TICRR: variants seen among roughly 807,000 people sequenced by gnomAD.
TICRR encodes the protein TOPBP1 interacting checkpoint and replication regulator.
A neutral mutation model predicts 178.1 loss-of-function variants in TICRR; 132 were observed. The observed-to-expected ratio is 0.74, with a 90% confidence interval of 0.64 to 0.86. The LOEUF (loss-of-function observed/expected upper bound fraction) is 0.86. TICRR is among the 40% of genes least tolerant of loss of function. TICRR has a pLI of 0.00. For synonymous variants in TICRR, 991 were observed against 900.7 expected (o/e 1.10, Z -1.79); for missense variants, 2,587 against 2,334.3 (o/e 1.11, Z -2.23).
chr15:89,585,865 C>T lies in TICRR; in HGVS notation c.1334C>T (p.Thr445Ile). Residue 445 changes from threonine (T) to isoleucine (I), a missense_variant, in exon 4 of 22, where the codon ACA (threonine) becomes ATA (isoleucine). By Grantham distance (89) the Thr-to-Ile change is moderately conservative (BLOSUM62 -1). Transcript: ENST00000268138. ...QTAVADSPRD[T>I]ASLFSDVVDS... is the part of the protein sequence containing the mutation. The stretch of plus-strand genomic sequence containing the variant: ...GCTGTGGCTGACAGCCCCCGGGACA[C>T]AGCTTCCCTTTTCTCAGATGTTGTG... 3 of 1,614,176 alleles carry T rather than the reference C, an allele frequency of 1.9e-6. No individual in the cohort carries two copies. The highest frequency in any genetic ancestry group is 4.5e-5 in the East Asian group (2 of 44,876).
chr15:89,585,653 C>A, intron 3 of TICRR, 55 bp from the exon 4 acceptor site: 2 of 1,218,956 alleles, frequency 1.6e-6, no homozygotes, highest in Non-Finnish European at 2.4e-6. Flanking sequence ...ACACTACATT[C>A]TTCTTTAGGC....
At chr15:89,581,553 G>A (rs1009723507) in intron 1 of TICRR, among the ~76,000 whole-genome samples, 10 of 152,180 alleles carry the variant, frequency 6.6e-5, no homozygotes, top group Non-Finnish European at 1.3e-4. Flanking sequence ...AGAAGGGGAG[G>A]CCCAGGAAAT....
At chr15:89,615,988 G>A (rs1460070927) in intron 15 of TICRR, among the ~76,000 whole-genome samples, 1 of 151,746 alleles carries the variant, frequency 6.6e-6, no homozygotes, top group African/African-American at 2.4e-5. Context: ...GGGTTCAAGT[G>A]ATTCTCCTGC....
At chr15:89,614,631 T>A (rs1273302451) in intron 15 of TICRR, among the ~76,000 whole-genome samples, 2 of 152,190 alleles carry the variant, frequency 1.3e-5, no homozygotes, top group Non-Finnish European at 2.9e-5. Flanking sequence ...GCACCCAGCA[T>A]GGATATTTTA....
intron 7 of TICRR, among the ~76,000 whole-genome samples, chr15:89,597,248 G>A (rs113394365): frequency 6.6e-6 from 1 of 152,072 alleles, no homozygotes; most frequent in Non-Finnish European, 1.5e-5. Context: ...TGGAGGCCAG[G>A]TGCAGTGACT....
In TICRR at chr15:89,601,510, G is replaced by A; in HGVS notation, c.2269G>A (p.Val757Met). 4 of 1,614,212 alleles carry A rather than the reference G, an allele frequency of 2.5e-6. No homozygotes were observed. The highest frequency in any genetic ancestry group is 3.4e-6 in the Non-Finnish European group (4 of 1,180,026). ...TCAGGTGACAGATTTGCTGCGCATGGTGTGTTTAACTGAGGATTCAGCGTA... is the reference window on the plus strand; with the variant it reads ...TCAGGTGACAGATTTGCTGCGCATGATGTGTTTAACTGAGGATTCAGCGTA... Reference protein sequence around the residue: ...VEEVTDLLRMVCLTEDSAYLA... With the variant: ...VEEVTDLLRMMCLTEDSAYLA... The change falls in exon 11 of 22, where the codon GTG becomes ATG. Residue 757 changes from valine (V) to methionine (M), a missense_variant. Physicochemically the swap from Val to Met is conservative, Grantham distance 21. Transcript: ENST00000268138.
Position 89,624,401 on chromosome 15 carries a change from T to G in TICRR, c.4091T>G (p.Leu1364Arg). 1 of 1,614,104 alleles carries G rather than the reference T, an allele frequency of 6.2e-7. No individual in the cohort carries two copies. Residue 1364 changes from leucine to arginine, a missense_variant, in exon 20 of 22, where the codon CTC (leucine) becomes CGC (arginine). Physicochemically the swap from Leu to Arg is moderately radical, Grantham distance 102. Transcript: ENST00000268138. ...SCPVPSTPPELSQRATLDTVP... is the reference protein window; with the variant it reads ...SCPVPSTPPERSQRATLDTVP... ...CCTGTTCCCTCAACTCCCCCTGAACTCTCACAGAGAGCTACATTGGACACC... is the reference window on the plus strand; with the variant it reads ...CCTGTTCCCTCAACTCCCCCTGAACGCTCACAGAGAGCTACATTGGACACC...
At chr15:89,622,574 G>C (rs1489883694) in intron 19 of TICRR, among the ~76,000 whole-genome samples, 3 of 152,108 alleles carry the variant, frequency 2.0e-5, no homozygotes, top group Non-Finnish European at 4.4e-5. Context: ...AAATTGCTTG[G>C]AGGTTGGGAA....
intron 19 of TICRR, among the ~76,000 whole-genome samples, chr15:89,621,892 CCAA>C (rs1243391798): frequency 2.0e-5 from 3 of 151,754 alleles, no homozygotes; most frequent in African/African-American, 7.3e-5. Flanking sequence ...CATCCAGTCA[CCAA>C]CATTAGAAAC....
At position 89,595,376 on chromosome 15, in the gene TICRR, T is replaced by C; in HGVS notation, c.1682-17T>C. Reference sequence around the variant, plus strand: ...GGAAGGCAATTTACTTTCCCTCCTCTGATGTTGTTTTGGTAGGAGGGGTCC... The same window carrying C: ...GGAAGGCAATTTACTTTCCCTCCTCCGATGTTGTTTTGGTAGGAGGGGTCC... On this transcript the variant is annotated splice_polypyrimidine_tract_variant and intron_variant, in intron 6 of 21. Transcript: ENST00000268138. 2 of 1,589,022 alleles carry C rather than the reference T, an allele frequency of 1.3e-6. No individual in the cohort carries two copies. Among genetic ancestry groups the C allele is most frequent in the Non-Finnish European group, 1.7e-6 (2 of 1,157,280 alleles).
intron 9 of TICRR, 56 bp downstream of exon 9, chr15:89,600,741 C>T (rs1963080082): frequency 3.6e-6 from 3 of 841,322 alleles, no homozygotes; most frequent in South Asian, 1.8e-5. Flanking sequence ...GAGATTAGCT[C>T]GTATCAGTTT....
rs756120964 is a variant in TICRR, at chr15:89,623,812, C to T, written c.3502C>T (p.Pro1168Ser). ...KDSSSPGHDS[P>S]LDSKITPQKR... The stretch of plus-strand genomic sequence containing the variant: ...CTCCTCCTCACCCGGCCATGACTCA[C>T]CATTGGATTCAAAAATCACTCCTCA... Residue 1168 changes from proline to serine, a missense_variant, in exon 20 of 22, where the codon CCA becomes TCA. By Grantham distance (74) the Pro-to-Ser change is moderately conservative. Coordinates refer to ENST00000268138, the MANE Select transcript of TICRR (RefSeq NM_152259.4). The T allele has an allele frequency of 6.2e-7, 1 of 1,613,822 alleles. No homozygotes were observed. Among genetic ancestry groups the T allele is most frequent in the East Asian group, 2.2e-5 (1 of 44,890 alleles).
At chr15:89,577,018 C>G (rs1962634927) in intron 1 of TICRR, among the ~76,000 whole-genome samples, 1 of 151,856 alleles carries the variant, frequency 6.6e-6, no homozygotes, top group Non-Finnish European at 1.5e-5. Context: ...CTCAGCCTCC[C>G]AAGTAGCTGA....
intron 15 of TICRR, among the ~76,000 whole-genome samples, chr15:89,610,620 G>C (rs1469588556): frequency 6.6e-6 from 1 of 152,092 alleles, no homozygotes; most frequent in African/African-American, 2.4e-5. Context: ...AGACCTCATA[G>C]AGTTGGATCA....
At chr15:89,622,975 C>T (rs942975240) in intron 19 of TICRR, among the ~76,000 whole-genome samples, 1 of 152,218 alleles carries the variant, frequency 6.6e-6, no homozygotes, top group African/African-American at 2.4e-5. Context: ...CCCCACTGAA[C>T]AGGAAATGCC....
At chr15:89,611,209 C>G (rs1210104528) in intron 15 of TICRR, among the ~76,000 whole-genome samples, 1 of 152,066 alleles carries the variant, frequency 6.6e-6, no homozygotes, top group Non-Finnish European at 1.5e-5. Context: ...TATGAACTCC[C>G]TCAGCTTTTA....
At chr15:89,598,639 C>T (rs909422062) in intron 7 of TICRR, among the ~76,000 whole-genome samples, 1 of 150,152 alleles carries the variant, frequency 6.7e-6, no homozygotes, top group African/African-American at 2.4e-5. Flanking sequence ...GTTAGGATTA[C>T]AGACGTGAGC....
At chr15:89,615,115 CTTG>C (rs1443118866) in intron 15 of TICRR, among the ~76,000 whole-genome samples, 2 of 152,194 alleles carry the variant, frequency 1.3e-5, no homozygotes, top group Non-Finnish European at 2.9e-5. Context: ...TTTTGGCCAG[CTTG>C]TTATTGCACC....
intron 18 of TICRR, 34 bp downstream of exon 18, chr15:89,619,876 G>A (rs981720549): frequency 2.5e-5 from 39 of 1,567,730 alleles, no homozygotes; most frequent in Non-Finnish European, 3.4e-5. Flanking sequence ...TCACAAGTCC[G>A]TGCTGACTTG....
Sources: allele counts gnomAD v4.1 joint callset (sites outside exome capture counted in the v4.1 genomes callset), GRCh38; gene constraint gnomAD v4.1.1; transcripts MANE v1.5; gene names NCBI Gene and HGNC (gene_info 2026-07-23, HGNC 2026-07-21).